Variants in VPS37B observed in about 807,000 individuals in gnomAD.
VPS37B encodes vacuolar protein sorting-associated protein 37B.
In VPS37B, 11 loss-of-function variants were observed where a neutral mutation model predicts 21.2. The observed-to-expected ratio is 0.52, with a 90% CI of 0.33 to 0.86. VPS37B has a LOEUF of 0.86. Among genes scored for constraint, VPS37B ranks in the 40% least tolerant of loss-of-function variants. VPS37B has a pLI of 0.03. For missense variants in VPS37B, 389 were observed against 374.8 expected (o/e 1.04, Z -0.31); for synonymous variants, 175 against 159.6 (o/e 1.10, Z -0.73).
At chr12:122,886,145 T>C (rs988036517) in intron 1 of VPS37B, 2 of 152,226 alleles carry the variant, frequency 1.3e-5, no homozygotes, top group African/African-American at 4.8e-5. Context: ...CTGTCTCTGA[T>C]AGAGCAATAC....
rs543358346 is a variant in VPS37B, at chr12:122,867,361, G to A, written c.613C>T (p.Arg205Trp). The part of the protein sequence containing the change: ...EASGPPAVAP[R>W]RIPPPPPPVP... Reference sequence around the variant, plus strand: ...GGGGGTGGTGGGGGGGGGATGCGCCGAGGTGCAACGGCAGGAGGCCCACTG... The same window carrying A: ...GGGGGTGGTGGGGGGGGGATGCGCCAAGGTGCAACGGCAGGAGGCCCACTG... The change falls in exon 4 of 4, where the codon CGG (arginine) becomes TGG (tryptophan). Residue 205 changes from arginine (R) to tryptophan (W), a missense_variant. Transcript: ENST00000267202. This position sits in a 1 kb window ranked among gnomAD's most constrained non-coding sequence, Gnocchi z 5.5. The A allele has an allele frequency of 1.1e-4, 180 of 1,602,358 alleles. 2 individuals are homozygous for A. The South Asian group carries it at 1.6e-3, about 15-fold the overall frequency.
In VPS37B at chr12:122,895,983, T is replaced by C; in HGVS notation, c.80A>G (p.Gln27Arg). 1 of 1,609,214 alleles carries C rather than the reference T, an allele frequency of 6.2e-7. No homozygotes were observed. The highest frequency in any genetic ancestry group is 2.3e-5 in the East Asian group (1 of 44,014). ...QLNELLEDEG[Q>R]LTEMVQKMEE... ...CATCTTCTGCACCATCTCCGTCAGC[T>C]GGCCCTCGTCCTCCAGCAGCTCGTT... The change falls in exon 1 of 4, where the codon CAG becomes CGG. Residue 27 changes from glutamine to arginine, a missense_variant. Gln to Arg is a conservative substitution (Grantham distance 43). Transcript: ENST00000267202.
At chr12:122,885,660 TG>T (rs1716790895) in intron 1 of VPS37B, 1 of 148,140 alleles carries the variant, frequency 6.8e-6, no homozygotes, top group African/African-American at 2.5e-5. Flanking sequence ...ATAATAAACA[TG>T]TAAAACATTA....
chr12:122,869,688 T>A (rs903068058), intron 2 of VPS37B, among the ~76,000 whole-genome samples: 2 of 152,184 alleles, frequency 1.3e-5, no homozygotes, highest in Non-Finnish European at 2.9e-5. Flanking sequence ...CAGTTCACTG[T>A]GGCCTCAGCC....
chr12:122,890,082 T>C (rs1316640643), intron 1 of VPS37B: 2 of 152,320 alleles, frequency 1.3e-5, no homozygotes, highest in Non-Finnish European at 2.9e-5. Flanking sequence ...GTTCCGCCGG[T>C]TGGCAGTGTT....
chr12:122,871,386 G>A, intron 1 of VPS37B: 1 of 1,060,102 alleles, frequency 9.4e-7, no homozygotes, highest in Non-Finnish European at 1.1e-6. Flanking sequence ...TGTGCTTGCA[G>A]AAGTAAACAG....
intron 1 of VPS37B, chr12:122,885,884 C>T (rs2034319875): frequency 6.6e-6 from 1 of 150,836 alleles, no homozygotes; most frequent in South Asian, 2.1e-4. Context: ...GGGGTTTCAC[C>T]GTGTTAGCCA....
At chr12:122,892,310 G>T (rs1322676426) in intron 1 of VPS37B, among the ~76,000 whole-genome samples, 2 of 152,098 alleles carry the variant, frequency 1.3e-5, no homozygotes, top group Non-Finnish European at 2.9e-5. Context: ...CCGAAATCAT[G>T]TTCACTACTT....
intron 1 of VPS37B, chr12:122,886,916 C>T (rs1481331221): frequency 6.6e-6 from 1 of 152,214 alleles, no homozygotes; most frequent in African/African-American, 2.4e-5. Flanking sequence ...CCTAGCAACC[C>T]AAATCCTGTC....
chr12:122,871,439 G>A (rs2034031632), intron 1 of VPS37B: 4 of 994,822 alleles, frequency 4.0e-6, no homozygotes, highest in Non-Finnish European at 4.8e-6. Flanking sequence ...ACAAGTTTCT[G>A]CTGCTCCCGA....
intron 1 of VPS37B, among the ~76,000 whole-genome samples, chr12:122,893,805 A>G (rs1246786820): frequency 7.3e-6 from 1 of 137,916 alleles, no homozygotes; most frequent in Non-Finnish European, 1.5e-5. Flanking sequence ...GTATTCAGGT[A>G]TGAAGGTCAC....
At chr12:122,871,974 G>A (rs564152648) in intron 1 of VPS37B, 2 of 985,372 alleles carry the variant, frequency 2.0e-6, no homozygotes, top group South Asian at 9.4e-5. Flanking sequence ...TCAACAGCAT[G>A]CGATTCCTTA....
At chr12:122,873,611 C>G (rs115859375) in intron 1 of VPS37B, 1 of 152,374 alleles carries the variant, frequency 6.6e-6, no homozygotes, top group African/African-American at 2.4e-5. Flanking sequence ...TGGAGCCAAA[C>G]TCATCAGCCC....
At chr12:122,870,139 A>G (rs1159950503) in intron 2 of VPS37B, 6 of 149,746 alleles carry the variant, frequency 4.0e-5, no homozygotes, top group Non-Finnish European at 7.4e-5. Context: ...AGCTTTTTCT[A>G]TGCTGTTTAG....
At chr12:122,888,490 C>T (rs1466357571) in intron 1 of VPS37B, 2 of 453,654 alleles carry the variant, frequency 4.4e-6, no homozygotes, top group Admixed American at 2.4e-5. Context: ...GGCTGGCACA[C>T]GGTCTTCTAG....
In VPS37B at chr12:122,884,107, C is replaced by T. The variant is rs540552111; in HGVS notation, c.111+11845G>A. On this transcript the variant is annotated intron_variant, in intron 1 of 3. Transcript: ENST00000267202. ...GAAATGCACAGCGGAGCCCTCCACTCCACATCATCAGAACCAGTTAGGTCC... is the reference window on the plus strand; with the variant it reads ...GAAATGCACAGCGGAGCCCTCCACTTCACATCATCAGAACCAGTTAGGTCC... The T allele has an allele frequency of 2.6e-5, 4 of 152,324 alleles. No homozygotes were observed. The East Asian group carries it at 7.7e-4, about 29-fold the overall frequency. 9.4% of individuals were successfully genotyped at this position (152,324 alleles called of 1,614,324 possible). A position where few individuals can be genotyped will look rare whatever the true frequency, so the allele number is the denominator to read the frequency against.
At chr12:122,890,351 T>TTTA (rs2034395671) in intron 1 of VPS37B, among the ~76,000 whole-genome samples, 1 of 151,212 alleles carries the variant, frequency 6.6e-6, no homozygotes, top group Non-Finnish European at 1.5e-5. Context: ...TTTTTTTTTT[T>TTTA]GAGACAGCCT....
rs1164127376 is a variant in VPS37B, at chr12:122,867,898, T to C, written c.367-291A>G. Reference sequence around the variant, plus strand: ...GGCTCCGACTCCTGGGTCCCAGGCCTCTCTCGAGCCCGCTGGAGTCCAACA... The same window carrying C: ...GGCTCCGACTCCTGGGTCCCAGGCCCCTCTCGAGCCCGCTGGAGTCCAACA... On this transcript the variant is annotated intron_variant, in intron 3 of 3. Coordinates refer to ENST00000267202, the MANE Select transcript of VPS37B (RefSeq NM_024667.3). This position sits in a 1 kb window ranked among gnomAD's most constrained non-coding sequence, Gnocchi z 5.5. Among the ~76,000 whole-genome samples, 1 of 152,096 alleles carries C rather than the reference T, an allele frequency of 6.6e-6. No individual in the cohort carries two copies. The highest frequency in any genetic ancestry group is 2.1e-4 in the South Asian group (1 of 4,826).
chr12:122,875,835 A>G (rs890755829), intron 1 of VPS37B: 8 of 149,746 alleles, frequency 5.3e-5, no homozygotes, highest in African/African-American at 1.7e-4. Flanking sequence ...TATTTTAGGA[A>G]CCATCAAACT....
Sources: allele counts gnomAD v4.1 joint callset (sites outside exome capture counted in the v4.1 genomes callset), GRCh38; gene constraint gnomAD v4.1.1; non-coding constraint Gnocchi (gnomAD v3.1); transcripts MANE v1.5; gene names NCBI Gene and HGNC (gene_info 2026-07-23, HGNC 2026-07-21).